CABIN1: variants seen among roughly 807,000 people sequenced by gnomAD.
CABIN1 encodes the protein calcineurin binding protein 1, also known as calcineurin-binding protein cabin-1.
Under a neutral mutation model 227.7 loss-of-function variants are expected in CABIN1, and 133 were observed. That is an observed-to-expected ratio of 0.58 (90% CI 0.51 to 0.67). CABIN1 has a LOEUF of 0.67. Ranked by LOEUF, CABIN1 falls within the 30% of genes least tolerant of loss-of-function variation. The pLI is 0.00. For synonymous variants in CABIN1, 1,086 were observed against 1,155.1 expected, an observed-to-expected ratio of 0.94 and a Z score of 1.21; for missense variants, 2,408 against 2,852.5, an observed-to-expected ratio of 0.84 and a Z score of 3.55.
chr22:24,082,548 A>G (rs773239984), intron 19 of CABIN1, among the ~76,000 whole-genome samples: 17 of 152,218 alleles, frequency 1.1e-4, no homozygotes, highest in Admixed American at 3.3e-4. Flanking sequence ...GGTATGTATT[A>G]TATCTAGTTT....
intron 1 of CABIN1, among the ~76,000 whole-genome samples, chr22:24,022,151 T>C (rs2146596385): frequency 6.6e-6 from 1 of 152,346 alleles, no homozygotes. Flanking sequence ...AATTAAATTA[T>C]TTGACCTTTT....
chr22:24,032,600 C>A (rs1348887191), intron 1 of CABIN1, among the ~76,000 whole-genome samples: 1 of 152,202 alleles, frequency 6.6e-6, no homozygotes, highest in African/African-American at 2.4e-5. Context: ...TACATTCTCA[C>A]CAGGAATGTA....
chr22:24,155,275 T>A (rs1160381852), intron 29 of CABIN1, among the ~76,000 whole-genome samples: 1 of 152,098 alleles, frequency 6.6e-6, no homozygotes, highest in Non-Finnish European at 1.5e-5. Flanking sequence ...TGAGCCTGTT[T>A]CTCATCTGTA....
At chr22:24,157,203 T>G (rs990996830) in intron 29 of CABIN1, among the ~76,000 whole-genome samples, 6 of 152,142 alleles carry the variant, frequency 3.9e-5, no homozygotes, top group African/African-American at 1.4e-4. Context: ...GTGTTCAACC[T>G]GGCCTGCTTC....
rs2046598130 is a variant in CABIN1 at position 24,168,601 on chromosome 22, C to G, written c.5757+80C>G. The stretch of plus-strand genomic sequence containing the variant: ...AGGCCCTAGGATGCAGGCTGAGAAG[C>G]AGATCCACTCTTGGGACTGTTCTTG... On this transcript the variant is annotated intron_variant, in intron 33 of 36. Transcript: ENST00000263119. 2.7e-6 allele frequency: 3 copies of G among 1,124,448 alleles called. No individual in the cohort carries two copies. In the African/African-American group the frequency reaches 4.6e-5, roughly 17 times the overall value. 69.7% of individuals were successfully genotyped at this position (1,124,448 alleles called of 1,614,324 possible).
At chr22:24,162,407 A>C (rs768942845) in intron 29 of CABIN1, among the ~76,000 whole-genome samples, 5 of 152,216 alleles carry the variant, frequency 3.3e-5, no homozygotes, top group African/African-American at 4.8e-5. Flanking sequence ...GGACAAGCCC[A>C]CAACAGAAGG....
intron 33 of CABIN1, among the ~76,000 whole-genome samples, chr22:24,170,372 C>T (rs1028011078): frequency 6.6e-6 from 1 of 152,214 alleles, no homozygotes; most frequent in Non-Finnish European, 1.5e-5. Flanking sequence ...GCCCTGAACC[C>T]GCCTGGAGGG....
intron 1 of CABIN1, among the ~76,000 whole-genome samples, chr22:24,034,918 G>T (rs889648688): frequency 6.6e-6 from 1 of 152,074 alleles, no homozygotes; most frequent in African/African-American, 2.4e-5. Context: ...GTTGTCACTT[G>T]GCCCTCAACT....
At chr22:24,174,294 A>G (rs1013162808) in intron 34 of CABIN1, among the ~76,000 whole-genome samples, 1 of 149,506 alleles carries the variant, frequency 6.7e-6, no homozygotes, top group East Asian at 2.0e-4. Flanking sequence ...ACGCCTGGGT[A>G]ATTTTTGTAT....
intron 28 of CABIN1, among the ~76,000 whole-genome samples, chr22:24,131,852 C>T (rs935563859): frequency 2.6e-5 from 4 of 152,044 alleles, no homozygotes; most frequent in Non-Finnish European, 5.9e-5. Flanking sequence ...GATCACTTGA[C>T]GTCAGGAGTT....
Position 24,063,991 on chromosome 22 carries a change from C to CTTCTT in CABIN1, c.1885-44_1885-43insTTCTT, listed in dbSNP as rs762294768. On this transcript the variant is annotated intron_variant, in intron 14 of 36. Coordinates refer to ENST00000263119, the MANE Select transcript of CABIN1 (RefSeq NM_012295.4). ...TGTAAAGCATCTGGCACATCATAGT[C>CTTCTT]AGTCTTCTGCTTTGGTTCCCTGACC... 32 of 1,612,408 alleles carry CTTCTT rather than the reference C, an allele frequency of 2.0e-5. No homozygotes were observed. In the East Asian group the frequency reaches 6.9e-4, roughly 35 times the overall value.
At chr22:24,085,445 G>A in intron 22 of CABIN1, among the ~76,000 whole-genome samples, 1 of 152,222 alleles carries the variant, frequency 6.6e-6, no homozygotes, top group Non-Finnish European at 1.5e-5. Flanking sequence ...GCAGGGCAAG[G>A]AGGCGCAACC....
chr22:24,012,855 G>C (rs1313285264), intron 1 of CABIN1, among the ~76,000 whole-genome samples: 2 of 152,014 alleles, frequency 1.3e-5, no homozygotes, highest in South Asian at 4.2e-4. Context: ...CCGCCTCCCG[G>C]GTTCAAGCAG....
chr22:24,118,058 C>CA (rs1220490812), intron 27 of CABIN1, among the ~76,000 whole-genome samples: 1 of 152,104 alleles, frequency 6.6e-6, no homozygotes, highest in Non-Finnish European at 1.5e-5. Context: ...AGGGCCACCT[C>CA]AAAGGGTAGG....
At chr22:24,153,508 G>A (rs914180655) in intron 29 of CABIN1, among the ~76,000 whole-genome samples, 2 of 152,174 alleles carry the variant, frequency 1.3e-5, no homozygotes, top group Non-Finnish European at 2.9e-5. Context: ...ACCAGCCTCT[G>A]ATTGTCATAG....
chr22:24,149,828 T>C (rs1240942794), intron 29 of CABIN1, among the ~76,000 whole-genome samples: 1 of 152,184 alleles, frequency 6.6e-6, no homozygotes, highest in Non-Finnish European at 1.5e-5. Context: ...CTGGCCACCA[T>C]AGGTCCAGCT....
At chr22:24,116,540 G>C (rs1377244322) in intron 27 of CABIN1, among the ~76,000 whole-genome samples, 2 of 152,210 alleles carry the variant, frequency 1.3e-5, no homozygotes, top group Non-Finnish European at 2.9e-5. Flanking sequence ...CATCTTGCCT[G>C]CCCACCCTTT....
chr22:24,059,214 A>C lies in CABIN1; in HGVS notation c.1263-13A>C. On this transcript the variant is annotated splice_polypyrimidine_tract_variant and intron_variant, in intron 10 of 36. Transcript: ENST00000263119. ...TGTGTTGTGACTTTGTGATTTTGGC[A>C]TGTTACATGCAGGTTAAGAAAGCTG... 1 of 1,614,182 alleles carries C rather than the reference A, an allele frequency of 6.2e-7. No homozygotes were observed. The highest frequency in any genetic ancestry group is 8.5e-7 in the Non-Finnish European group (1 of 1,179,998).
At chr22:24,042,850 G>GCCCTCTGCT (rs2037517902) in intron 5 of CABIN1, 54 bp from the exon 6 acceptor site, 2 of 882,516 alleles carry the variant, frequency 2.3e-6, no homozygotes, top group African/African-American at 3.3e-5. Flanking sequence ...GTGTGTGTGT[G>GCCCTCTGCT]TGTGTGTGTG....
Sources: allele counts gnomAD v4.1 joint callset (sites outside exome capture counted in the v4.1 genomes callset), GRCh38; gene constraint gnomAD v4.1.1; transcripts MANE v1.5; gene names NCBI Gene and HGNC (gene_info 2026-07-23, HGNC 2026-07-21).